GRM3: variants seen among roughly 807,000 people sequenced by gnomAD.
GRM3 encodes the protein glutamate metabotropic receptor 3.
Under a neutral mutation model 70.5 loss-of-function variants are expected in GRM3, and 26 were observed. The ratio of observed to expected loss-of-function variants is 0.37; its 90% CI spans 0.27 to 0.51. The LOEUF (loss-of-function observed/expected upper bound fraction) is 0.51, where lower values mean the gene tolerates loss of function less well. Among genes scored for constraint, GRM3 ranks in the 20% least tolerant of loss-of-function variants. The pLI is 0.93. For synonymous variants in GRM3, 443 were observed against 434.9 expected (o/e 1.02, Z -0.23); for missense variants, 859 against 1,123.8 (o/e 0.76, Z 3.37).
rs564448599 is a variant in GRM3, at chr7:86,659,830, T to C, written c.-141+14958T>C. Among the ~76,000 whole-genome samples the C allele has an allele frequency of 4.9e-4, 74 of 152,186 alleles. 2 individuals are homozygous for C. The South Asian group carries it at 0.014, about 30-fold the overall frequency. On this transcript the variant is annotated intron_variant, in intron 1 of 5. Coordinates refer to ENST00000361669, the MANE Select transcript of GRM3 (RefSeq NM_000840.3). ...ATTTCTTTACAAACTATTTGTTCTT[T>C]TGATCTCCAGAATTTGTCCAGTGCT...
intron 3 of GRM3, chr7:86,832,930 G>A: frequency 1.4e-5 from 10 of 710,574 alleles, no homozygotes; most frequent in Non-Finnish European, 1.7e-5. Flanking sequence ...CCCGAGTGAT[G>A]AGGAGCTTGA....
intron 2 of GRM3, among the ~76,000 whole-genome samples, chr7:86,780,126 T>A (rs1338991097): frequency 1.3e-5 from 2 of 152,188 alleles, no homozygotes; most frequent in Non-Finnish European, 2.9e-5. Flanking sequence ...TCTATCATTG[T>A]TGGACATTTG....
At chr7:86,862,515 C>T (rs1348926594) in intron 5 of GRM3, among the ~76,000 whole-genome samples, 2 of 151,894 alleles carry the variant, frequency 1.3e-5, no homozygotes, top group East Asian at 1.9e-4. Flanking sequence ...CATATGACAC[C>T]GTACCTGCCC....
intron 2 of GRM3, among the ~76,000 whole-genome samples, chr7:86,785,059 C>T (rs1797189501): frequency 6.6e-6 from 1 of 152,168 alleles, no homozygotes; most frequent in African/African-American, 2.4e-5. Context: ...GCTGTGCTTG[C>T]TACATGTCAA....
chr7:86,787,357 C>G (rs1797281204), intron 3 of GRM3, among the ~76,000 whole-genome samples: 1 of 152,208 alleles, frequency 6.6e-6, no homozygotes. Context: ...GGGCTGACAG[C>G]CCACTGTGGT....
intron 1 of GRM3, among the ~76,000 whole-genome samples, chr7:86,659,193 G>T (rs144268735): frequency 6.6e-6 from 1 of 152,188 alleles, no homozygotes; most frequent in African/African-American, 2.4e-5. Context: ...AACACCCCAA[G>T]GTATTCCATT....
intron 1 of GRM3, among the ~76,000 whole-genome samples, chr7:86,748,240 T>A (rs182906676): frequency 3.2e-4 from 49 of 152,162 alleles, no homozygotes; most frequent in Non-Finnish European, 5.3e-4. Flanking sequence ...ATATATATAT[T>A]TTTTGTTTTG....
intron 1 of GRM3, among the ~76,000 whole-genome samples, chr7:86,736,568 C>T (rs1795864900): frequency 6.6e-6 from 1 of 152,210 alleles, no homozygotes; most frequent in South Asian, 2.1e-4. Context: ...AGCAATTCTT[C>T]AGGCATAATC....
At chr7:86,700,436 A>C (rs1562830509) in intron 1 of GRM3, among the ~76,000 whole-genome samples, 1 of 151,842 alleles carries the variant, frequency 6.6e-6, no homozygotes, top group South Asian at 2.1e-4. Flanking sequence ...AGAGCCTACA[A>C]TCTTACTTTC....
intron 1 of GRM3, among the ~76,000 whole-genome samples, chr7:86,698,736 G>A (rs998147718): frequency 6.6e-5 from 10 of 151,840 alleles, no homozygotes; most frequent in Non-Finnish European, 1.2e-4. Flanking sequence ...AACAAAATGG[G>A]TTACCCATGT....
At chr7:86,675,185 C>A (rs886930227) in intron 1 of GRM3, among the ~76,000 whole-genome samples, 2 of 152,030 alleles carry the variant, frequency 1.3e-5, no homozygotes, top group Non-Finnish European at 2.9e-5. Context: ...ATGTTTAGGG[C>A]TTCTTGGAGA....
chr7:86,813,802 A>C (rs1443848847), intron 3 of GRM3, among the ~76,000 whole-genome samples: 1 of 151,650 alleles, frequency 6.6e-6, no homozygotes, highest in African/African-American at 2.4e-5. Context: ...ATACCTTGGC[A>C]ATTTAAGACC....
intron 1 of GRM3, among the ~76,000 whole-genome samples, chr7:86,655,853 G>GGGT (rs1793727108): frequency 7.4e-6 from 1 of 134,658 alleles, no homozygotes; most frequent in Non-Finnish European, 1.6e-5. Flanking sequence ...TGTGTGTGTG[G>GGGT]GTGGGTGGGT....
In GRM3 at chr7:86,787,028, T is replaced by C. The variant is rs1233408579; in HGVS notation, c.1236T>C (p.Cys412=). ...TGCACAAAATGCAGCGCACCCTCTGTCCCAACACTACCAAGCTTTGTGATG... is the reference window on the plus strand; with the variant it reads ...TGCACAAAATGCAGCGCACCCTCTGCCCCAACACTACCAAGCTTTGTGATG... ...HALHKMQRTL[C]PNTTKLCDAM... Residue 412 remains cysteine, a synonymous_variant, in exon 3 of 6, where the codon TGT becomes TGC. Coordinates refer to ENST00000361669, the MANE Select transcript of GRM3 (RefSeq NM_000840.3). The C allele has an allele frequency of 6.2e-7, 1 of 1,613,550 alleles. No individual in the cohort carries two copies. The highest frequency in any genetic ancestry group is 2.2e-5 in the East Asian group (1 of 44,880).
chr7:86,682,072 G>T (rs866536988), intron 1 of GRM3, among the ~76,000 whole-genome samples: 2 of 152,164 alleles, frequency 1.3e-5, no homozygotes, highest in South Asian at 4.1e-4. Flanking sequence ...ACATGGAGAG[G>T]TTAAACAATT....
At position 86,785,685 on chromosome 7, in the gene GRM3, ATT is replaced by A. The variant is rs749456155; in HGVS notation, c.469-544_469-543del. The stretch of plus-strand genomic sequence containing the variant: ...TTGGGTGGTGGACTAAATAGAATTG[ATT>A]TTTTTTTTTTTTTTTTTTTTTTTTT... On this transcript the variant is annotated intron_variant, in intron 2 of 5. Coordinates refer to ENST00000361669, the MANE Select transcript of GRM3 (RefSeq NM_000840.3). Among the ~76,000 whole-genome samples, 127 of 65,146 alleles carry A rather than the reference ATT, an allele frequency of 1.9e-3. 3 individuals carry two copies. Among genetic ancestry groups the A allele is most frequent in the East Asian group, 7.2e-3 (11 of 1,528 alleles). The allele number at this position is 65,146 out of a possible 152,430, so 42.7% of individuals were successfully genotyped here.
chr7:86,652,684 G>A (rs552445311), intron 1 of GRM3, among the ~76,000 whole-genome samples: 1 of 152,278 alleles, frequency 6.6e-6, no homozygotes, highest in South Asian at 2.1e-4. Context: ...AACATTTGAA[G>A]TAGGAAAGGG....
rs567826136 is a variant in GRM3, at chr7:86,724,665, C to T, written c.-140-40341C>T. On this transcript the variant is annotated intron_variant, in intron 1 of 5. Transcript: ENST00000361669. ...ATTGTTTAAACTATAGATTCTGATT[C>T]AATAGGCCTGGGATGGAGCCTGAGA... is the stretch of plus-strand genomic sequence containing the variant. Among the ~76,000 whole-genome samples the T allele has an allele frequency of 2.6e-4, 39 of 152,230 alleles. No individual in the cohort carries two copies. The South Asian group carries it at 7.9e-3, about 31-fold the overall frequency.
At chr7:86,710,680 AAAT>A (rs202135479) in intron 1 of GRM3, among the ~76,000 whole-genome samples, 1,917 of 151,884 alleles carry the variant, frequency 0.013, 41 homozygotes, top group African/African-American at 0.044. Flanking sequence ...GGAATGAAGA[AAAT>A]AAAGTTTCTT....
Sources: gnomAD v4.1 joint callset for allele counts (sites outside exome capture counted in the v4.1 genomes callset) on GRCh38, gnomAD v4.1.1 for gene constraint, MANE v1.5 for transcripts, NCBI Gene and HGNC (gene_info 2026-07-23, HGNC 2026-07-21) for gene names.